MACROD2: variants seen among roughly 807,000 people sequenced by gnomAD.
MACROD2 encodes mono-ADP ribosylhydrolase 2.
MACROD2 carries 36 observed loss-of-function variants against 70.4 expected under a neutral mutation model. That is an observed-to-expected ratio of 0.51 (90% CI 0.39 to 0.68). The LOEUF is 0.68. MACROD2 is among the 30% of genes least tolerant of loss of function. The pLI is 0.00. For synonymous variants in MACROD2, 172 were observed against 178.8 expected (o/e 0.96, Z 0.30); for missense variants, 496 against 538.4 (o/e 0.92, Z 0.78).
chr20:14,060,288 C>G (rs1055922291), intron 2 of MACROD2, among the ~76,000 whole-genome samples: 1 of 152,056 alleles, frequency 6.6e-6, no homozygotes, highest in Non-Finnish European at 1.5e-5. Flanking sequence ...CAAGCCACTT[C>G]GCCATTTACA....
chr20:15,621,683 C>A (rs1178171925), intron 8 of MACROD2, among the ~76,000 whole-genome samples: 2 of 152,094 alleles, frequency 1.3e-5, no homozygotes, highest in African/African-American at 4.8e-5. Context: ...TTGTCTTTGT[C>A]TTTAGAGTAG....
intron 3 of MACROD2, among the ~76,000 whole-genome samples, chr20:14,263,972 AACACACACACACACACACACACACAC>A (rs71190124): frequency 0.036 from 4,519 of 127,182 alleles, 91 homozygotes; most frequent in African/African-American, 0.063. Context: ...ACCCTATCTA[AACACACACACACACACACACACACAC>A]ACACACACAC....
intron 4 of MACROD2, among the ~76,000 whole-genome samples, chr20:14,575,014 T>C (rs2123329391): frequency 6.7e-5 from 1 of 15,012 alleles, no homozygotes; most frequent in South Asian, 3.0e-3. Flanking sequence ...CGAGACTCTG[T>C]CTCAAAAAAA....
At chr20:16,004,023 G>C (rs938697840) in intron 15 of MACROD2, among the ~76,000 whole-genome samples, 4 of 152,046 alleles carry the variant, frequency 2.6e-5, no homozygotes, top group African/African-American at 9.7e-5. Flanking sequence ...CTGGTCCAGG[G>C]ACCACAGCTT....
At chr20:15,318,468 C>T (rs185265423) in intron 6 of MACROD2, among the ~76,000 whole-genome samples, 3 of 152,220 alleles carry the variant, frequency 2.0e-5, no homozygotes, top group East Asian at 1.9e-4. Context: ...CTAACTCATT[C>T]TATGTGGCCA....
intron 15 of MACROD2, among the ~76,000 whole-genome samples, chr20:16,035,102 A>AAC (rs1601358255): frequency 3.2e-4 from 2 of 6,238 alleles, no homozygotes; most frequent in East Asian, 0.038. Flanking sequence ...AATATTATAT[A>AAC]TTATATATAA....
At chr20:15,681,551 A>T (rs1220091066) in intron 8 of MACROD2, among the ~76,000 whole-genome samples, 2 of 152,246 alleles carry the variant, frequency 1.3e-5, no homozygotes, top group African/African-American at 4.8e-5. Flanking sequence ...CATCATCTGC[A>T]TTAGGTGTGG....
chr20:14,049,218 T>C (rs116931002), intron 2 of MACROD2, among the ~76,000 whole-genome samples: 1 of 138,586 alleles, frequency 7.2e-6, no homozygotes, highest in East Asian at 2.2e-4. Flanking sequence ...TATAACAGCA[T>C]TAGGTATTAA....
At chr20:15,088,232 A>G (rs1445348743) in intron 5 of MACROD2, among the ~76,000 whole-genome samples, 6 of 151,640 alleles carry the variant, frequency 4.0e-5, no homozygotes, top group East Asian at 1.9e-4. Context: ...CATCATATAT[A>G]ATGGCAATAA....
chr20:15,431,559 G>A lies in MACROD2; in HGVS notation c.571+124G>A, dbSNP rs577004489. ...TTGCTGTGATTTAGAGACTAAAAAT[G>A]CTCGTCAAATCCCATTAAAGAATGT... On this transcript the variant is annotated intron_variant, in intron 7 of 17. Transcript: ENST00000684519. The A allele has an allele frequency of 5.8e-6, 5 of 868,320 alleles. No individual in the cohort carries two copies. In the East Asian group the frequency reaches 1.0e-4, roughly 18 times the overall value. The allele number at this position is 868,320 out of a possible 1,614,324, so 53.8% of individuals were successfully genotyped here. A position where few individuals can be genotyped will look rare whatever the true frequency, so the allele number is the denominator to read the frequency against.
intron 8 of MACROD2, among the ~76,000 whole-genome samples, chr20:15,561,997 T>A (rs2048251150): frequency 6.6e-6 from 1 of 152,116 alleles, no homozygotes. Context: ...CAGGCCTGAC[T>A]TATTTCTGGA....
In MACROD2 at chr20:14,563,085, A is replaced by T. The variant is rs551530253; in HGVS notation, c.301+69577A>T. On this transcript the variant is annotated intron_variant, in intron 4 of 17. Coordinates refer to ENST00000684519, the MANE Select transcript of MACROD2 (RefSeq NM_001351661.2). ...ATTAGACTGTAGACCTTACCATTGCAGGAGTAGGGTGGAATTGACCTCAAT... is the reference window on the plus strand; with the variant it reads ...ATTAGACTGTAGACCTTACCATTGCTGGAGTAGGGTGGAATTGACCTCAAT... Among the ~76,000 whole-genome samples the T allele has an allele frequency of 3.9e-5, 6 of 151,912 alleles. No individual in the cohort carries two copies. The South Asian group carries it at 1.2e-3, about 32-fold the overall frequency.
intron 6 of MACROD2, among the ~76,000 whole-genome samples, chr20:15,255,345 G>T (rs934517842): frequency 6.6e-6 from 1 of 152,094 alleles, no homozygotes; most frequent in African/African-American, 2.4e-5. Flanking sequence ...CCAAGCACTT[G>T]CCACTTCTCT....
chr20:14,912,599 A>G (rs1221331486), intron 5 of MACROD2, among the ~76,000 whole-genome samples: 2 of 152,152 alleles, frequency 1.3e-5, no homozygotes, highest in Non-Finnish European at 2.9e-5. Context: ...TTCAGACAGT[A>G]ATCATTGGAG....
intron 8 of MACROD2, among the ~76,000 whole-genome samples, chr20:15,645,572 A>G (rs1198180767): frequency 1.3e-5 from 2 of 152,226 alleles, no homozygotes; most frequent in African/African-American, 4.8e-5. Context: ...AAAAGAGAAA[A>G]CAGAATCTGG....
intron 3 of MACROD2, among the ~76,000 whole-genome samples, chr20:14,477,829 G>A (rs768154458): frequency 2.0e-5 from 3 of 152,166 alleles, no homozygotes; most frequent in Non-Finnish European, 2.9e-5. Flanking sequence ...GCTGTAAGAT[G>A]TTAAGGGATA....
chr20:14,195,334 T>A (rs945036821), intron 3 of MACROD2, among the ~76,000 whole-genome samples: 1 of 152,116 alleles, frequency 6.6e-6, no homozygotes, highest in Non-Finnish European at 1.5e-5. Flanking sequence ...TGGGCTGTTC[T>A]CTGCTTAGGT....
intron 8 of MACROD2, among the ~76,000 whole-genome samples, chr20:15,822,163 A>G (rs887673257): frequency 1.3e-5 from 2 of 152,238 alleles, no homozygotes; most frequent in African/African-American, 2.4e-5. Context: ...GATCTGGTCA[A>G]TTGGCCATTA....
chr20:15,911,053 C>A (rs1003653683), intron 10 of MACROD2, among the ~76,000 whole-genome samples: 2 of 152,144 alleles, frequency 1.3e-5, no homozygotes, highest in African/African-American at 4.8e-5. Flanking sequence ...CTCAATAGCT[C>A]CCATGAAAGA....
Sources: gnomAD v4.1 joint callset for allele counts (sites outside exome capture counted in the v4.1 genomes callset) on GRCh38, gnomAD v4.1.1 for gene constraint, MANE v1.5 for transcripts, NCBI Gene and HGNC (gene_info 2026-07-23, HGNC 2026-07-21) for gene names.